The following CDYL2 variants were observed in gnomAD, a reference collection of about 807,000 sequenced individuals.
The protein encoded by CDYL2 is chromodomain Y like 2, also known as chromodomain Y-like protein 2.
CDYL2 carries 23 observed loss-of-function variants against 49.4 expected under a neutral mutation model. The observed-to-expected ratio is 0.47, with a 90% CI of 0.34 to 0.66. The LOEUF (loss-of-function observed/expected upper bound fraction) is 0.66, where lower values mean the gene tolerates loss of function less well. Among genes scored for constraint, CDYL2 ranks in the 30% least tolerant of loss-of-function variants. The probability of loss-of-function intolerance (pLI) is 0.01; values close to 1 mark genes in which losing one functional copy is unlikely to be tolerated. For missense variants in CDYL2, 678 were observed against 656.4 expected (o/e 1.03, Z -0.36); for synonymous variants, 360 against 268.8 (o/e 1.34, Z -3.32).
At chr16:80,624,055 C>T (rs533703899) in intron 3 of CDYL2, among the ~76,000 whole-genome samples, 1 of 152,302 alleles carries the variant, frequency 6.6e-6, no homozygotes, top group East Asian at 1.9e-4. Flanking sequence ...AGCAATCCCC[C>T]TCACACCCCT....
chr16:80,794,003 T>A lies in CDYL2; in HGVS notation c.24+10147A>T, dbSNP rs538852914. On this transcript the variant is annotated intron_variant, in intron 1 of 6. Coordinates refer to ENST00000570137, the MANE Select transcript of CDYL2 (RefSeq NM_152342.4). ...AATTATAACTGGTATCGGGTGTGGTTTGACCATCTTGTCTTGGAATCTCAG... is the reference window on the plus strand; with the variant it reads ...AATTATAACTGGTATCGGGTGTGGTATGACCATCTTGTCTTGGAATCTCAG... Among the ~76,000 whole-genome samples the A allele has an allele frequency of 2.6e-5, 4 of 152,354 alleles. No homozygotes were observed. In the East Asian group the frequency reaches 5.8e-4, roughly 22 times the overall value.
Position 80,602,752 on chromosome 16 carries a change from AG to A in CDYL2, c.*1635del, listed in dbSNP as rs1906147699. On this transcript the variant is annotated 3_prime_UTR_variant, in exon 7 of 7. Coordinates refer to ENST00000570137, the MANE Select transcript of CDYL2 (RefSeq NM_152342.4). ...GGAAAGGGGAAGAAGGGGAGGGCCA[AG>A]GGCCTCCAGGAATACGCAGGGGCTG... 1 of 152,292 alleles carries A rather than the reference AG, an allele frequency of 6.6e-6. No individual in the cohort carries two copies. The allele number at this position is 152,292 out of a possible 1,614,324, so 9.4% of individuals were successfully genotyped here.
chr16:80,776,920 C>T (rs1295965249), intron 1 of CDYL2, among the ~76,000 whole-genome samples: 5 of 152,014 alleles, frequency 3.3e-5, no homozygotes, highest in African/African-American at 1.2e-4. Context: ...CAGATTCAAG[C>T]CATTCTCCTG....
Position 80,612,856 on chromosome 16 carries a change from C to G in CDYL2, c.1008-20G>C. 1 of 1,587,706 alleles carries G rather than the reference C, an allele frequency of 6.3e-7. No individual in the cohort carries two copies. Among genetic ancestry groups the G allele is most frequent in the East Asian group, 2.2e-5 (1 of 44,530 alleles). On this transcript the variant is annotated intron_variant, in intron 4 of 6. Transcript: ENST00000570137. This position sits in a 1 kb window ranked among gnomAD's most constrained non-coding sequence, Gnocchi z 5.0. ...AAGTCCCTGGGAGAGAAAGAAGATCCTCTTGAACAGGTGACTATAGCATGC... is the reference window on the plus strand; with the variant it reads ...AAGTCCCTGGGAGAGAAAGAAGATCGTCTTGAACAGGTGACTATAGCATGC...
chr16:80,669,010 G>T (rs1909388205), intron 2 of CDYL2, among the ~76,000 whole-genome samples: 1 of 151,984 alleles, frequency 6.6e-6, no homozygotes, highest in Admixed American at 6.6e-5. Context: ...AAAAAGAGAA[G>T]AGAGGAGAAG....
At chr16:80,778,680 A>G (rs182747680) in intron 1 of CDYL2, among the ~76,000 whole-genome samples, 63 of 152,202 alleles carry the variant, frequency 4.1e-4, no homozygotes, top group Non-Finnish European at 7.2e-4. Context: ...TACAATTAAA[A>G]GAAGTACCTC....
At chr16:80,660,502 T>C (rs891389568) in intron 2 of CDYL2, among the ~76,000 whole-genome samples, 2 of 152,052 alleles carry the variant, frequency 1.3e-5, no homozygotes, top group Admixed American at 6.6e-5. Context: ...AGAAGGAATG[T>C]ATAAAATGTA....
chr16:80,804,208 G>A lies in CDYL2; in HGVS notation c.-35C>T, dbSNP rs1004183370. 17 of 1,339,244 alleles carry A rather than the reference G, an allele frequency of 1.3e-5. No homozygotes were observed. Among genetic ancestry groups the A allele is most frequent in the Non-Finnish European group, 1.7e-5 (17 of 1,017,682 alleles). 83.0% of individuals were successfully genotyped at this position (1,339,244 alleles called of 1,614,324 possible). On this transcript the variant is annotated 5_prime_UTR_variant, in exon 1 of 7. In the 5' UTR this introduces an upstream ATG that the reference lacks. Coordinates refer to ENST00000570137, the MANE Select transcript of CDYL2 (RefSeq NM_152342.4). ...CGGAACTTGGCTCGCCGGTGTGCGC[G>A]TCTGCTCGCTCGCGCCCTCCGTGCG...
chr16:80,709,376 C>T (rs1904513740), intron 1 of CDYL2, among the ~76,000 whole-genome samples: 1 of 122,560 alleles, frequency 8.2e-6, no homozygotes, highest in African/African-American at 4.3e-5. Flanking sequence ...AGCGAGACTC[C>T]ATTTCAAAAA....
At chr16:80,620,628 G>A (rs1432010709) in intron 4 of CDYL2, 135 bp downstream of exon 4, 9 of 685,248 alleles carry the variant, frequency 1.3e-5, no homozygotes, top group Non-Finnish European at 1.9e-5. Flanking sequence ...CAGACCTCGA[G>A]TATTGCACAG....
At chr16:80,642,042 A>G (rs1208035059) in intron 2 of CDYL2, among the ~76,000 whole-genome samples, 1 of 152,202 alleles carries the variant, frequency 6.6e-6, no homozygotes, top group East Asian at 1.9e-4. Flanking sequence ...AGGATAAACA[A>G]TGAGCAGGTC....
chr16:80,745,411 G>A (rs1208247901), intron 1 of CDYL2, among the ~76,000 whole-genome samples: 1 of 152,168 alleles, frequency 6.6e-6, no homozygotes, highest in African/African-American at 2.4e-5. Context: ...CCAGTAGACT[G>A]GAATCAAGAG....
At position 80,604,076 on chromosome 16, in the gene CDYL2, C is replaced by T. The variant is rs777504903; in HGVS notation, c.*312G>A. The T allele has an allele frequency of 3.4e-5, 12 of 351,988 alleles. No homozygotes were observed. The highest frequency in any genetic ancestry group is 1.6e-4 in the Admixed American group (4 of 24,698). 21.8% of individuals were successfully genotyped at this position (351,988 alleles called of 1,614,324 possible). A position where few individuals can be genotyped will look rare whatever the true frequency, so the allele number is the denominator to read the frequency against. ...GAATGTGAAAGTGGTCTTCCCCTTCCTGGACCGTCATGGTGCATTTCAGCA... is the reference window on the plus strand; with the variant it reads ...GAATGTGAAAGTGGTCTTCCCCTTCTTGGACCGTCATGGTGCATTTCAGCA... On this transcript the variant is annotated 3_prime_UTR_variant, in exon 7 of 7. Coordinates refer to ENST00000570137, the MANE Select transcript of CDYL2 (RefSeq NM_152342.4).
chr16:80,632,124 G>A (rs1202009473), intron 3 of CDYL2, among the ~76,000 whole-genome samples: 1 of 152,120 alleles, frequency 6.6e-6, no homozygotes, highest in African/African-American at 2.4e-5. Flanking sequence ...TATAACATTT[G>A]TAGAAATATT....
At position 80,676,961 on chromosome 16, in the gene CDYL2, G is replaced by GTCTTTTTTTTTTTTTTT. The variant is rs1407459686; in HGVS notation, c.616+7576_616+7577insAAAAAAAAAAAAAAAGA. On this transcript the variant is annotated intron_variant, in intron 2 of 6. Transcript: ENST00000570137. ...AGGACTTTTTAACAACCAATTCAAT[G>GTCTTTTTTTTTTTTTTT]TATTTTTTTTTTTTTTTTTTTTTTT... Among the ~76,000 whole-genome samples the GTCTTTTTTTTTTTTTTT allele has an allele frequency of 1.8e-5, 2 of 110,518 alleles. 1 individual carries two copies. Among genetic ancestry groups the GTCTTTTTTTTTTTTTTT allele is most frequent in the African/African-American group, 6.9e-5 (2 of 29,090 alleles). 72.5% of individuals were successfully genotyped at this position (110,518 alleles called of 152,430 possible).
At chr16:80,706,326 G>A (rs1009411872) in intron 1 of CDYL2, among the ~76,000 whole-genome samples, 1 of 152,138 alleles carries the variant, frequency 6.6e-6, no homozygotes, top group African/African-American at 2.4e-5. Context: ...AAAAACAGGA[G>A]GGCAATGCTG....
chr16:80,641,554 A>C (rs60746911), intron 2 of CDYL2, among the ~76,000 whole-genome samples: 8,930 of 152,108 alleles, frequency 0.059, 860 homozygotes, highest in African/African-American at 0.2. Context: ...ACACCGTGGA[A>C]TACTAAGCAG....
At chr16:80,768,821 A>G (rs1260521471) in intron 1 of CDYL2, among the ~76,000 whole-genome samples, 1 of 152,206 alleles carries the variant, frequency 6.6e-6, no homozygotes, top group Non-Finnish European at 1.5e-5. Context: ...CAGTCTTTCA[A>G]TGTTTCAGTC....
Position 80,684,880 on chromosome 16 carries a change from T to G in CDYL2, c.274A>C (p.Arg92=), listed in dbSNP as rs745637948. ...RGPSVEKLSH[R]PSDPGKSKGT... ...TTGCTCTTTCCAGGATCTGAAGGTC[T>G]GTGGGACAGTTTCTCAACCGACGGG... The change falls in exon 2 of 7, where the codon AGA becomes CGA. Residue 92 remains arginine, a synonymous_variant. Transcript: ENST00000570137. 4.3e-6 allele frequency: 7 copies of G among 1,614,092 alleles called. No homozygotes were observed. In the East Asian group the frequency reaches 1.6e-4, roughly 36 times the overall value.
Sources: allele counts gnomAD v4.1 joint callset (sites outside exome capture counted in the v4.1 genomes callset), GRCh38; gene constraint gnomAD v4.1.1; non-coding constraint Gnocchi (gnomAD v3.1); transcripts MANE v1.5; gene names NCBI Gene and HGNC (gene_info 2026-07-23, HGNC 2026-07-21).